The following NES variants were observed in gnomAD, a reference collection of about 807,000 sequenced individuals.
NES encodes the protein nestin.
In NES, 27 loss-of-function variants were observed where a neutral mutation model predicts 35.6. The ratio of observed to expected loss-of-function variants is 0.76; its 90% CI spans 0.56 to 1.04. The LOEUF is 1.04. NES is among the 50% of genes least tolerant of loss of function. The pLI is 0.00. For synonymous variants in NES, 822 were observed against 824.2 expected (o/e 1.00, Z 0.04); for missense variants, 1,867 against 1,983.6 (o/e 0.94, Z 1.12).
intron 3 of NES, 106 bp from the exon 4 acceptor site, chr1:156,673,311 G>T: frequency 2.3e-6 from 3 of 1,300,398 alleles, no homozygotes; most frequent in Non-Finnish European, 3.2e-6. Context: ...TGCCCCTGGC[G>T]CCCATGGCTG....
Position 156,672,683 on chromosome 1 carries a change from C to A in NES, c.1505G>T (p.Trp502Leu). The A allele has an allele frequency of 6.2e-7, 1 of 1,613,886 alleles. No homozygotes were observed. Among genetic ancestry groups the A allele is most frequent in the South Asian group, 1.1e-5 (1 of 91,082 alleles). ...GGCTGTTTCTTTCTCTACCAACCCC[C>A]AGATTTGCCCTTCACCTTCCCCTCG... is the stretch of plus-strand genomic sequence containing the variant. ...ICRGEGEGQI[W>L]GLVEKETAIE... Residue 502 changes from tryptophan (W) to leucine (L), a missense_variant, in exon 4 of 4, where the codon TGG (tryptophan) becomes TTG (leucine). Trp to Leu is a moderately conservative substitution (Grantham distance 61). Transcript: ENST00000368223.
In NES at chr1:156,675,331, C is replaced by A; in HGVS notation, c.793G>T (p.Glu265Ter). ...CCCTGTTTCTCCTGCTCCAGGGCCT[C>A]CACAGCCAGCTGCAGGGCAGGCGAG... The part of the protein sequence containing the change: ...RATEKFQLAV[E>*]ALEQEKQGLQ... The change falls in exon 2 of 4, where the codon GAG (glutamate) becomes TAG (stop). Residue 265 changes from glutamate (E) to a stop codon, truncating the protein, a stop_gained. Transcript: ENST00000368223. LOFTEE classifies it high-confidence loss of function. 1 of 1,606,568 alleles carries A rather than the reference C, an allele frequency of 6.2e-7. No homozygotes were observed. The highest frequency in any genetic ancestry group is 1.1e-5 in the South Asian group (1 of 90,570).
Position 156,670,434 on chromosome 1 carries a change from T to A in NES, c.3754A>T (p.Arg1252Trp). ...SQEASWGVQG[R>W]AEALGKVESE... ...TCTACTTTCCCCAGGGCTTCAGCCC[T>A]CCCCTGCACCCCCCAGCTAGCCTCC... Residue 1252 changes from arginine to tryptophan, a missense_variant, in exon 4 of 4, where the codon AGG becomes TGG. Physicochemically the swap from Arg to Trp is moderately radical, Grantham distance 101. Coordinates refer to ENST00000368223, the MANE Select transcript of NES (RefSeq NM_006617.2). The A allele has an allele frequency of 1.3e-6, 2 of 1,558,568 alleles. No individual in the cohort carries two copies. The highest frequency in any genetic ancestry group is 1.7e-6 in the Non-Finnish European group (2 of 1,152,730).
Position 156,676,913 on chromosome 1 carries a change from C to A in NES, c.352G>T (p.Ala118Ser). 6.4e-7 allele frequency: 1 copy of A among 1,554,800 alleles called. No homozygotes were observed. Among genetic ancestry groups the A allele is most frequent in the Non-Finnish European group, 8.6e-7 (1 of 1,159,586 alleles). ...AGCCAGGCCCGGGCGCATTTCTCTGCCTCGACGGCGCGCCGGTTGCGGGCT... is the reference window on the plus strand; with the variant it reads ...AGCCAGGCCCGGGCGCATTTCTCTGACTCGACGGCGCGCCGGTTGCGGGCT... ...EVARNRRAVE[A>S]EKCARAWLSS... Residue 118 changes from alanine (A) to serine (S), a missense_variant, in exon 1 of 4, where the codon GCA becomes TCA. By Grantham distance (99) the Ala-to-Ser change is moderately conservative. Coordinates refer to ENST00000368223, the MANE Select transcript of NES (RefSeq NM_006617.2). This position sits in a 1 kb window ranked among gnomAD's most constrained non-coding sequence, Gnocchi z 5.3.
chr1:156,675,179 C>A (rs754225268), intron 2 of NES, 37 bp downstream of exon 2: 1 of 1,603,086 alleles, frequency 6.2e-7, no homozygotes, highest in Non-Finnish European at 8.5e-7. Flanking sequence ...TGTGTGTGTG[C>A]CTCTGTGTGC....
chr1:156,674,920 G>A, intron 2 of NES, among the ~76,000 whole-genome samples: 1 of 152,228 alleles, frequency 6.6e-6, no homozygotes, highest in East Asian at 1.9e-4. Flanking sequence ...GAAGGGTCTG[G>A]ATGCAGTTGC....
intron 3 of NES, 75 bp downstream of exon 3, chr1:156,673,379 C>T: frequency 6.9e-7 from 1 of 1,453,512 alleles, no homozygotes; most frequent in South Asian, 1.2e-5. Context: ...AGATTGGTGC[C>T]TCTCGGGAAA....
rs1679759352 is a variant in NES, at chr1:156,672,606, C to G, written c.1582G>C (p.Asp528His). 6.2e-7 allele frequency: 1 copy of G among 1,613,822 alleles called. No homozygotes were observed. The highest frequency in any genetic ancestry group is 1.7e-5 in the Admixed American group (1 of 60,026). The change falls in exon 4 of 4, where the codon GAT becomes CAT. Residue 528 changes from aspartate (D) to histidine (H), a missense_variant. Physicochemically the swap from Asp to His is moderately conservative, Grantham distance 81 (BLOSUM62 -1). Transcript: ENST00000368223. ...SLQQEIWEEEDLNRKEIQDSQ... is the reference protein window; with the variant it reads ...SLQQEIWEEEHLNRKEIQDSQ... ...TCCTGGATTTCCTTCCTGTTTAGAT[C>G]CTCTTCTTCCCATATTTCCTGCTGC...
Position 156,670,315 on chromosome 1 carries a change from G to A in NES, c.3873C>T (p.Leu1291=), listed in dbSNP as rs1049249901. ...ESREESEEDE[L]GETLPDSTPL... is the part of the protein sequence containing the mutation. Reference sequence around the variant, plus strand: ...GAGTGGAGTCTGGAAGGGTCTCCCCGAGCTCATCCTCCTCGCTCTCTTCTC... The same window carrying A: ...GAGTGGAGTCTGGAAGGGTCTCCCCAAGCTCATCCTCCTCGCTCTCTTCTC... Residue 1291 remains leucine (L), a synonymous_variant, in exon 4 of 4, where the codon CTC becomes CTT. Coordinates refer to ENST00000368223, the MANE Select transcript of NES (RefSeq NM_006617.2). 1 of 1,612,152 alleles carries A rather than the reference G, an allele frequency of 6.2e-7. No homozygotes were observed. Among genetic ancestry groups the A allele is most frequent in the Non-Finnish European group, 8.5e-7 (1 of 1,178,934 alleles).
In NES at chr1:156,671,052, G is replaced by T; in HGVS notation, c.3136C>A (p.Gln1046Lys). The T allele has an allele frequency of 7.4e-6, 12 of 1,613,606 alleles. No individual in the cohort carries two copies. The highest frequency in any genetic ancestry group is 4.2e-6 in the Non-Finnish European group (5 of 1,179,966). ...TGGAGGCCTGGGGCCCCCACCTGTT[G>T]TGATTGCCCTTCAGGGTCCTGGAGG... is the stretch of plus-strand genomic sequence containing the variant. ...EGLQDPEGQS[Q>K]QVGAPGLQAP... is the part of the protein sequence containing the mutation. Residue 1046 changes from glutamine to lysine, a missense_variant, in exon 4 of 4, where the codon CAA (glutamine) becomes AAA (lysine). Physicochemically the swap from Gln to Lys is moderately conservative, Grantham distance 53. Transcript: ENST00000368223.
rs773671551 is a variant in NES at position 156,676,755 on chromosome 1, C to G, written c.510G>C (p.Ala170=). 2 of 1,357,032 alleles carry G rather than the reference C, an allele frequency of 1.5e-6. No homozygotes were observed. Among genetic ancestry groups the G allele is most frequent in the African/African-American group, 3.1e-5 (2 of 65,050 alleles). The allele number at this position is 1,357,032 out of a possible 1,614,324, so 84.1% of individuals were successfully genotyped here. The part of the protein sequence containing the change: ...RCPAPPRGPP[A]PAPEVEELAR... Reference sequence around the variant, plus strand: ...CCAGCTCCTCTACCTCCGGGGCCGGCGCGGGAGGCCCGCGGGGCGGCGCGG... The same window carrying G: ...CCAGCTCCTCTACCTCCGGGGCCGGGGCGGGAGGCCCGCGGGGCGGCGCGG... Residue 170 remains alanine, a synonymous_variant, in exon 1 of 4, where the codon GCG becomes GCC. Coordinates refer to ENST00000368223, the MANE Select transcript of NES (RefSeq NM_006617.2). This position sits in a 1 kb window ranked among gnomAD's most constrained non-coding sequence, Gnocchi z 5.3.
rs761868663 is a variant in NES, at chr1:156,672,393, C to A, written c.1795G>T (p.Asp599Tyr). 4 of 1,613,004 alleles carry A rather than the reference C, an allele frequency of 2.5e-6. No homozygotes were observed. Among genetic ancestry groups the A allele is most frequent in the Non-Finnish European group, 3.4e-6 (4 of 1,179,816 alleles). ...TCTAGAGGTCTCACTACCTCCACAT[C>A]CTTTAATAGCTCTTTATTTTCCTTT... ...LEKENKELLK[D>Y]VEVVRPLEKE... The change falls in exon 4 of 4, where the codon GAT becomes TAT. Residue 599 changes from aspartate to tyrosine, a missense_variant. Physicochemically the swap from Asp to Tyr is radical, Grantham distance 160 (BLOSUM62 -3). Transcript: ENST00000368223.
rs1012405036 is a variant in NES at position 156,676,203 on chromosome 1, TCAGAGC to T, written c.783+273_783+278del. Among the ~76,000 whole-genome samples the T allele has an allele frequency of 2.1e-4, 32 of 152,338 alleles. 1 individual carries two copies. The highest frequency in any genetic ancestry group is 7.7e-4 in the African/African-American group (32 of 41,580). ...AAGGGACCCGGAGCCCCGGTCATCA[TCAGAGC>T]CAGAAGGTGCCATCCAGAGAGTGGC... On this transcript the variant is annotated intron_variant, in intron 1 of 3. Transcript: ENST00000368223. This position sits in a 1 kb window ranked among gnomAD's most constrained non-coding sequence, Gnocchi z 5.3.
rs140686565 is a variant in NES at position 156,672,485 on chromosome 1, A to G, written c.1703T>C (p.Leu568Pro). Residue 568 changes from leucine to proline, a missense_variant, in exon 4 of 4, where the codon CTA (leucine) becomes CCA (proline). Physicochemically the swap from Leu to Pro is moderately conservative, Grantham distance 98. Coordinates refer to ENST00000368223, the MANE Select transcript of NES (RefSeq NM_006617.2). ...KTLENQSHETLERENQECPRS... is the reference protein window; with the variant it reads ...KTLENQSHETPERENQECPRS... ...CGGACATTCTTGATTCTCCCTTTCT[A>G]GTGTCTCATGGCTCTGGTTTTCCAG... The G allele has an allele frequency of 8.7e-5, 140 of 1,612,570 alleles. No individual in the cohort carries two copies. The highest frequency in any genetic ancestry group is 4.3e-4 in the Admixed American group (26 of 59,822).
At chr1:156,675,437 C>T (rs191424475) in intron 1 of NES, 97 bp from the exon 2 acceptor site, 26 of 1,401,074 alleles carry the variant, frequency 1.9e-5, no homozygotes, top group Admixed American at 1.1e-4. Flanking sequence ...GAAGCACCTC[C>T]TGCTCCCTGG....
Position 156,670,859 on chromosome 1 carries a change from T to TCCCCCCCCCCCCCCCCCCCCCCCCCC in NES, c.3328_3329insGGGGGGGGGGGGGGGGGGGGGGGGGG (p.Asp1110GlyfsTer14). The TCCCCCCCCCCCCCCCCCCCCCCCCCC allele has an allele frequency of 3.1e-6, 5 of 1,609,242 alleles. No homozygotes were observed. The highest frequency in any genetic ancestry group is 4.2e-6 in the Non-Finnish European group (5 of 1,176,874). On this transcript the variant is annotated frameshift_variant, in exon 4 of 4. Coordinates refer to ENST00000368223, the MANE Select transcript of NES (RefSeq NM_006617.2). LOFTEE classifies it low-confidence loss of function (END_TRUNC). ...CTCTTCCCTGGTCAGATGGCCTGGG[T>TCCCCCCCCCCCCCCCCCCCCCCCCCC]CCCCCAGCCCTCCCACCCCCTGCCC...
rs1647330558 is a variant in NES at position 156,677,142 on chromosome 1, C to T, written c.123G>A (p.Gly41=). The part of the protein sequence containing the change: ...EQNELLSAEL[G]GLRAQSADTS... The stretch of plus-strand genomic sequence containing the variant: ...TGTCCGCGGATTGTGCCCGGAGCCC[C>T]CCGAGCTCCGCGCTGAGCAGCTCAT... The change falls in exon 1 of 4, where the codon GGG becomes GGA. Residue 41 remains glycine, a synonymous_variant. Coordinates refer to ENST00000368223, the MANE Select transcript of NES (RefSeq NM_006617.2). The surrounding 1 kb of genome is among the most constrained non-coding windows in gnomAD (Gnocchi z 4.5). 6.2e-7 allele frequency: 1 copy of T among 1,610,310 alleles called. No homozygotes were observed. Among genetic ancestry groups the T allele is most frequent in the East Asian group, 2.2e-5 (1 of 44,718 alleles).
chr1:156,673,793 G>A (rs917497015), intron 2 of NES, among the ~76,000 whole-genome samples: 3 of 150,342 alleles, frequency 2.0e-5, no homozygotes, highest in African/African-American at 7.3e-5. Flanking sequence ...CCACACAGTC[G>A]GACATTGCCC....
chr1:156,673,182 G>C lies in NES; in HGVS notation c.1006C>G (p.Pro336Ala). The C allele has an allele frequency of 6.6e-7, 1 of 1,523,856 alleles. No homozygotes were observed. The highest frequency in any genetic ancestry group is 8.8e-7 in the Non-Finnish European group (1 of 1,135,786). 94.4% of individuals were successfully genotyped at this position (1,523,856 alleles called of 1,614,324 possible). The stretch of plus-strand genomic sequence containing the variant: ...AGACGCCGGCCCTCTGGGGTCCTAG[G>C]GAATTGCAGCTCCAGCTTGGGGTCT... ...FQDPKLELQFPRTPEGRRLGS... is the reference protein window; with the variant it reads ...FQDPKLELQFARTPEGRRLGS... The change falls in exon 4 of 4, where the codon CCT (proline) becomes GCT (alanine). Residue 336 changes from proline (P) to alanine (A), a missense_variant. By Grantham distance (27) the Pro-to-Ala change is conservative (BLOSUM62 -1). Transcript: ENST00000368223.
Sources: allele counts gnomAD v4.1 joint callset (sites outside exome capture counted in the v4.1 genomes callset), GRCh38; gene constraint gnomAD v4.1.1; non-coding constraint Gnocchi (gnomAD v3.1); transcripts MANE v1.5; gene names NCBI Gene and HGNC (gene_info 2026-07-23, HGNC 2026-07-21).